RPRD2: variants seen among roughly 807,000 people sequenced by gnomAD.
RPRD2 encodes the protein regulation of nuclear pre-mRNA domain-containing protein 2.
In RPRD2, 12 loss-of-function variants were observed where a neutral mutation model predicts 104.4. The observed-to-expected ratio is 0.11, with a 90% CI of 0.07 to 0.19. The LOEUF is 0.19. Ranked by LOEUF, RPRD2 falls within the 10% of genes least tolerant of loss-of-function variation. The pLI is 1.00. For missense variants in RPRD2, 1,543 were observed against 1,790.1 expected, an observed-to-expected ratio of 0.86 and a Z score of 2.49; for synonymous variants, 714 against 684.9, an observed-to-expected ratio of 1.04 and a Z score of -0.66.
intron 1 of RPRD2, among the ~76,000 whole-genome samples, chr1:150,384,588 C>T (rs1253700131): frequency 3.3e-5 from 5 of 151,622 alleles, no homozygotes; most frequent in South Asian, 2.1e-4. Flanking sequence ...TCTCCTGCCT[C>T]GGCCTCCAAG....
At chr1:150,395,115 A>G (rs1034299149) in intron 1 of RPRD2, among the ~76,000 whole-genome samples, 5 of 152,212 alleles carry the variant, frequency 3.3e-5, no homozygotes, top group African/African-American at 1.2e-4. Context: ...TGAGCAGTAT[A>G]CACTGAACCC....
intron 1 of RPRD2, among the ~76,000 whole-genome samples, chr1:150,404,098 A>G (rs1663278812): frequency 6.6e-6 from 1 of 152,206 alleles, no homozygotes; most frequent in Non-Finnish European, 1.5e-5. Flanking sequence ...AGAAGTAGAA[A>G]ACCTGAAAAA....
At chr1:150,448,053 TAAC>T (rs1666911451) in intron 7 of RPRD2, among the ~76,000 whole-genome samples, 1 of 152,218 alleles carries the variant, frequency 6.6e-6, no homozygotes, top group African/African-American at 2.4e-5. Flanking sequence ...TTTTGACCAT[TAAC>T]ACTAGACTCC....
chr1:150,376,378 G>T (rs781930558), intron 1 of RPRD2, among the ~76,000 whole-genome samples: 4 of 152,004 alleles, frequency 2.6e-5, no homozygotes, highest in Non-Finnish European at 5.9e-5. Context: ...AAGGAAAAAA[G>T]GATCTTTTAA....
chr1:150,473,225 C>G lies in RPRD2; in HGVS notation c.4277C>G (p.Pro1426Arg), dbSNP rs377477495. The G allele has an allele frequency of 6.2e-7, 1 of 1,613,962 alleles. No homozygotes were observed. The highest frequency in any genetic ancestry group is 8.5e-7 in the Non-Finnish European group (1 of 1,179,874). ...SPRPDFRPREPFLSRDPFHSL... is the reference protein window; with the variant it reads ...SPRPDFRPRERFLSRDPFHSL... ...CGGCCAGACTTTCGGCCTAGGGAAC[C>G]TTTTCTCAGCAGAGACCCATTTCAC... The change falls in exon 11 of 11, where the codon CCT becomes CGT. Residue 1426 changes from proline to arginine, a missense_variant. By Grantham distance (103) the Pro-to-Arg change is moderately radical. Coordinates refer to ENST00000369068, the MANE Select transcript of RPRD2 (RefSeq NM_015203.5).
At chr1:150,451,527 T>C (rs12126240) in intron 7 of RPRD2, among the ~76,000 whole-genome samples, 33,533 of 150,522 alleles carry the variant, frequency 0.22, 4,187 homozygotes, top group African/African-American at 0.32. Flanking sequence ...TACAAAAAAT[T>C]AGCCGGGCGC....
At chr1:150,432,943 C>T (rs1378091216) in intron 2 of RPRD2, among the ~76,000 whole-genome samples, 2 of 152,006 alleles carry the variant, frequency 1.3e-5, no homozygotes, top group African/African-American at 2.4e-5. Flanking sequence ...CACCACTGTA[C>T]GCCAGCCTGG....
At chr1:150,424,720 A>G (rs1664999634) in intron 2 of RPRD2, among the ~76,000 whole-genome samples, 2 of 152,150 alleles carry the variant, frequency 1.3e-5, no homozygotes, top group Non-Finnish European at 2.9e-5. Context: ...TCAGTCCTCT[A>G]TTATTTCTGT....
intron 9 of RPRD2, among the ~76,000 whole-genome samples, chr1:150,461,227 CTAAA>C (rs1667912156): frequency 6.6e-6 from 1 of 150,962 alleles, no homozygotes; most frequent in Non-Finnish European, 1.5e-5. Context: ...GACCCTATCT[CTAAA>C]TAAAAAATTT....
Position 150,473,302 on chromosome 1 carries a change from C to G in RPRD2, c.4354C>G (p.Pro1452Ala). Residue 1452 changes from proline (P) to alanine (A), a missense_variant, in exon 11 of 11, where the codon CCA becomes GCA. This residue lies in a region of RPRD2 where 880 missense variants were observed against 885.6 expected (regional missense o/e 0.99). Coordinates refer to ENST00000369068, the MANE Select transcript of RPRD2 (RefSeq NM_015203.5). Reference sequence around the variant, plus strand: ...TGCTAGGGGCCCTCCGTTCTTTGCACCAAAACGCCCATTCTTCCCTCCCAG... The same window carrying G: ...TGCTAGGGGCCCTCCGTTCTTTGCAGCAAAACGCCCATTCTTCCCTCCCAG... ...PFARGPPFFA[P>A]KRPFFPPRY The G allele has an allele frequency of 6.2e-7, 1 of 1,612,610 alleles. No homozygotes were observed.
intron 1 of RPRD2, among the ~76,000 whole-genome samples, chr1:150,370,061 C>A (rs879963051): frequency 2.6e-5 from 4 of 152,094 alleles, no homozygotes; most frequent in African/African-American, 9.7e-5. Context: ...GGATTACAGG[C>A]GTGAGCCACC....
chr1:150,450,690 G>A (rs953283993), intron 7 of RPRD2, among the ~76,000 whole-genome samples: 5 of 150,352 alleles, frequency 3.3e-5, no homozygotes, highest in South Asian at 2.1e-4. Context: ...GCGCAATCTC[G>A]GCTCACTGCA....
At chr1:150,406,488 C>A (rs1449504065) in intron 1 of RPRD2, among the ~76,000 whole-genome samples, 3 of 152,162 alleles carry the variant, frequency 2.0e-5, no homozygotes, top group Non-Finnish European at 4.4e-5. Context: ...CTCACTGGAG[C>A]CTCTGTCTCC....
chr1:150,389,877 G>A (rs1476114978), intron 1 of RPRD2, among the ~76,000 whole-genome samples: 7 of 152,114 alleles, frequency 4.6e-5, no homozygotes, highest in Non-Finnish European at 8.8e-5. Context: ...GACTGGCAAC[G>A]TTTTCCTGAA....
chr1:150,438,129 T>C (rs1362819765), intron 2 of RPRD2, among the ~76,000 whole-genome samples: 4 of 148,048 alleles, frequency 2.7e-5, no homozygotes, highest in African/African-American at 1.0e-4. Context: ...TAAAAAAATA[T>C]ATATACAAAA....
intron 2 of RPRD2, among the ~76,000 whole-genome samples, chr1:150,438,788 G>A (rs1018487816): frequency 2.6e-5 from 4 of 152,104 alleles, no homozygotes; most frequent in Non-Finnish European, 5.9e-5. Flanking sequence ...TGCACTGCAT[G>A]TCACTGTATT....
At chr1:150,396,014 G>T (rs902709310) in intron 1 of RPRD2, among the ~76,000 whole-genome samples, 5 of 152,064 alleles carry the variant, frequency 3.3e-5, no homozygotes, top group Admixed American at 6.6e-5. Flanking sequence ...ATTAATTTTT[G>T]ATTTTTTGAT....
intron 7 of RPRD2, among the ~76,000 whole-genome samples, chr1:150,448,060 A>G (rs1666911682): frequency 6.6e-6 from 1 of 152,216 alleles, no homozygotes; most frequent in Admixed American, 6.5e-5. Context: ...CATTAACACT[A>G]GACTCCCTAC....
intron 2 of RPRD2, among the ~76,000 whole-genome samples, chr1:150,420,821 G>A (rs782206967): frequency 2.0e-5 from 3 of 152,008 alleles, no homozygotes; most frequent in Admixed American, 6.6e-5. Context: ...GCAAGACCCC[G>A]TCTCAAGAAA....
Sources: gnomAD v4.1 joint callset for allele counts (sites outside exome capture counted in the v4.1 genomes callset) on GRCh38, gnomAD v4.1.1 for gene constraint, gnomAD v4.1.1 regional missense constraint, MANE v1.5 for transcripts, NCBI Gene and HGNC (gene_info 2026-07-23, HGNC 2026-07-21) for gene names.